The following AGAP1 variants were observed in gnomAD, a reference collection of about 807,000 sequenced individuals.
AGAP1 encodes the protein arf-GAP with GTPase, ANK repeat and PH domain-containing protein 1.
AGAP1 carries 29 observed loss-of-function variants against 105.3 expected under a neutral mutation model. The ratio of observed to expected loss-of-function variants is 0.28; its 90% confidence interval spans 0.21 to 0.38. AGAP1 has a LOEUF of 0.38. AGAP1 is among the 10% of genes least tolerant of loss of function. The pLI is 1.00. For synonymous variants in AGAP1, 509 were observed against 485.9 expected (o/e 1.05, Z -0.63); for missense variants, 998 against 1,165.1 (o/e 0.86, Z 2.09).
rs997332339 is a variant in AGAP1, at chr2:235,728,971, C to A, written c.310+11327C>A. Among the ~76,000 whole-genome samples, 5 of 151,534 alleles carry A rather than the reference C, an allele frequency of 3.3e-5. No individual in the cohort carries two copies. Among genetic ancestry groups the A allele is most frequent in the Non-Finnish European group, 7.3e-5 (5 of 68,044 alleles). ...ACCATCTGGCAGGGGACCAGGCCAG[C>A]TGCTGTGTGGGTCTTCCATGTCCCA... On this transcript the variant is annotated intron_variant, in intron 3 of 17. Transcript: ENST00000304032. This position sits in a 1 kb window ranked among gnomAD's most constrained non-coding sequence, Gnocchi z 4.3.
intron 1 of AGAP1, among the ~76,000 whole-genome samples, chr2:235,645,677 C>T (rs549552329): frequency 2.0e-5 from 3 of 152,248 alleles, no homozygotes; most frequent in African/African-American, 7.2e-5. Context: ...GTCAGATGAC[C>T]ACCCCTTCCT....
chr2:235,826,382 A>T (rs1393037938), intron 9 of AGAP1, among the ~76,000 whole-genome samples: 1 of 152,216 alleles, frequency 6.6e-6, no homozygotes. Flanking sequence ...ATGCATTTGC[A>T]GGTTCATTCT....
rs185177980 is a variant in AGAP1 at position 235,575,703 on chromosome 2, C to A, written c.163+80854C>A. ...TGCCGTAGGGAAAGGTGTGAACGCA[C>A]AGGTTTGCATGCCTAAAATTATAAC... On this transcript the variant is annotated intron_variant, in intron 1 of 17. Coordinates refer to ENST00000304032, the MANE Select transcript of AGAP1 (RefSeq NM_001037131.3). 1.9e-3 allele frequency among the ~76,000 whole-genome samples: 285 copies of A among 152,356 alleles called. 1 individual carries two copies. Among genetic ancestry groups the A allele is most frequent in the Middle Eastern group, 3.4e-3 (1 of 294 alleles).
intron 12 of AGAP1, among the ~76,000 whole-genome samples, chr2:235,952,963 G>A (rs549128446): frequency 6.6e-6 from 1 of 152,346 alleles, no homozygotes; most frequent in Admixed American, 6.5e-5. Flanking sequence ...GTTGACTGGG[G>A]CAATTGTTAG....
rs537797440 is a variant in AGAP1, at chr2:235,754,928, G to C, written c.673+4440G>C. On this transcript the variant is annotated intron_variant, in intron 6 of 17. Coordinates refer to ENST00000304032, the MANE Select transcript of AGAP1 (RefSeq NM_001037131.3). This position sits in a 1 kb window ranked among gnomAD's most constrained non-coding sequence, Gnocchi z 4.6. ...GTGTGGCAGCCCAGGCTGCTTTCTG[G>C]GGGTGGAGCGTTCTCGCTCCTGCTC... is the stretch of plus-strand genomic sequence containing the variant. Among the ~76,000 whole-genome samples the C allele has an allele frequency of 1.2e-4, 19 of 152,386 alleles. No individual in the cohort carries two copies. Among genetic ancestry groups the C allele is most frequent in the African/African-American group, 4.6e-4 (19 of 41,604 alleles).
Position 235,601,201 on chromosome 2 carries a change from G to A in AGAP1, c.163+106352G>A, listed in dbSNP as rs1289248045. 6.6e-6 allele frequency among the ~76,000 whole-genome samples: 1 copy of A among 152,226 alleles called. No homozygotes were observed. Among genetic ancestry groups the A allele is most frequent in the Non-Finnish European group, 1.5e-5 (1 of 68,048 alleles). ...GTAGAAGTTGAAAGTCCAAGGTCAA[G>A]GTGGCGTTTCTGGTGGGGCCCCTCT... On this transcript the variant is annotated intron_variant, in intron 1 of 17. Transcript: ENST00000304032. The surrounding 1 kb of genome is among the most constrained non-coding windows in gnomAD (Gnocchi z 4.4).
At position 235,549,236 on chromosome 2, in the gene AGAP1, G is replaced by A. The variant is rs149930886; in HGVS notation, c.163+54387G>A. On this transcript the variant is annotated intron_variant, in intron 1 of 17. Coordinates refer to ENST00000304032, the MANE Select transcript of AGAP1 (RefSeq NM_001037131.3). This position sits in a 1 kb window ranked among gnomAD's most constrained non-coding sequence, Gnocchi z 4.2. ...TTTCTAAGGAATACAAACTAGAAGG[G>A]CCTGGTTTCTGTAGGTGACAAAGCT... Among the ~76,000 whole-genome samples, 965 of 152,318 alleles carry A rather than the reference G, an allele frequency of 6.3e-3. 9 individuals are homozygous for A. Among genetic ancestry groups the A allele is most frequent in the African/African-American group, 0.022 (932 of 41,572 alleles).
chr2:235,584,591 AG>A (rs1559267201), intron 1 of AGAP1, among the ~76,000 whole-genome samples: 2 of 151,696 alleles, frequency 1.3e-5, no homozygotes, highest in African/African-American at 2.4e-5. Context: ...AAGCTGTGCT[AG>A]GAAGAGGCAA....
At chr2:235,899,189 G>A (rs1482283564) in intron 10 of AGAP1, among the ~76,000 whole-genome samples, 1 of 152,192 alleles carries the variant, frequency 6.6e-6, no homozygotes, top group East Asian at 1.9e-4. Context: ...TCACCTCAGA[G>A]GACAGATGTA....
At chr2:235,593,825 T>C (rs1276597459) in intron 1 of AGAP1, among the ~76,000 whole-genome samples, 1 of 151,964 alleles carries the variant, frequency 6.6e-6, no homozygotes, top group Non-Finnish European at 1.5e-5. Context: ...AAAAATTAGC[T>C]GGGCATGATG....
At chr2:236,026,833 G>A (rs1457838184) in intron 13 of AGAP1, among the ~76,000 whole-genome samples, 2 of 152,204 alleles carry the variant, frequency 1.3e-5, no homozygotes, top group Non-Finnish European at 2.9e-5. Flanking sequence ...TTGGCATGAG[G>A]AATAGGAGAA....
chr2:236,061,488 G>A lies in AGAP1; in HGVS notation c.2114+12207G>A, dbSNP rs955196276. Among the ~76,000 whole-genome samples the A allele has an allele frequency of 4.6e-5, 7 of 152,186 alleles. No homozygotes were observed. The highest frequency in any genetic ancestry group is 8.8e-5 in the Non-Finnish European group (6 of 68,032). ...TGGATGAATGGGTGAACAAAACATG[G>A]TCTGTCCGTACACCAGAACGTGATT... On this transcript the variant is annotated intron_variant, in intron 16 of 17. Coordinates refer to ENST00000304032, the MANE Select transcript of AGAP1 (RefSeq NM_001037131.3). This position sits in a 1 kb window ranked among gnomAD's most constrained non-coding sequence, Gnocchi z 4.1.
At chr2:235,767,239 TG>T (rs1955036420) in intron 6 of AGAP1, among the ~76,000 whole-genome samples, 1 of 151,254 alleles carries the variant, frequency 6.6e-6, no homozygotes, top group African/African-American at 2.4e-5. Flanking sequence ...GTATAATAAA[TG>T]GACTTATTAT....
At position 235,993,049 on chromosome 2, in the gene AGAP1, C is replaced by T. The variant is rs1446393567; in HGVS notation, c.1645+24426C>T. 4.6e-5 allele frequency among the ~76,000 whole-genome samples: 7 copies of T among 152,188 alleles called. No homozygotes were observed. Among genetic ancestry groups the T allele is most frequent in the Non-Finnish European group, 1.0e-4 (7 of 68,040 alleles). On this transcript the variant is annotated intron_variant, in intron 13 of 17. Coordinates refer to ENST00000304032, the MANE Select transcript of AGAP1 (RefSeq NM_001037131.3). This position sits in a 1 kb window ranked among gnomAD's most constrained non-coding sequence, Gnocchi z 5.0. ...ACAAAAAACCAGTTTAAGACATGGA[C>T]TTTTTTCATATGTACATCTGAAAAT...
intron 1 of AGAP1, among the ~76,000 whole-genome samples, chr2:235,554,643 C>G (rs939901846): frequency 7.2e-5 from 11 of 152,190 alleles, no homozygotes; most frequent in African/African-American, 2.7e-4. Flanking sequence ...TCTTTCTTCT[C>G]TTTCCTTTCC....
At chr2:236,071,182 C>T (rs528519795) in intron 16 of AGAP1, among the ~76,000 whole-genome samples, 3 of 152,280 alleles carry the variant, frequency 2.0e-5, no homozygotes, top group African/African-American at 7.2e-5. Flanking sequence ...GGCCTTAGCC[C>T]CGAATAATCC....
At chr2:235,779,069 C>G (rs1199148248) in intron 6 of AGAP1, among the ~76,000 whole-genome samples, 1 of 152,238 alleles carries the variant, frequency 6.6e-6, no homozygotes, top group Non-Finnish European at 1.5e-5. Context: ...AATTGCCTCA[C>G]TGAGCTGGGA....
rs2056226570 is a variant in AGAP1, at chr2:236,003,914, C to T, written c.1646-32647C>T. Among the ~76,000 whole-genome samples, 1 of 152,028 alleles carries T rather than the reference C, an allele frequency of 6.6e-6. No homozygotes were observed. Among genetic ancestry groups the T allele is most frequent in the African/African-American group, 2.4e-5 (1 of 41,370 alleles). ...AATACATACATGGTATAGATTGATGCATAAAACAGTCAGCCCCTGGACTCC... is the reference window on the plus strand; with the variant it reads ...AATACATACATGGTATAGATTGATGTATAAAACAGTCAGCCCCTGGACTCC... On this transcript the variant is annotated intron_variant, in intron 13 of 17. Coordinates refer to ENST00000304032, the MANE Select transcript of AGAP1 (RefSeq NM_001037131.3). This position sits in a 1 kb window ranked among gnomAD's most constrained non-coding sequence, Gnocchi z 4.2.
chr2:235,567,198 T>C (rs1167592004), intron 1 of AGAP1, among the ~76,000 whole-genome samples: 3 of 152,242 alleles, frequency 2.0e-5, no homozygotes, highest in Non-Finnish European at 4.4e-5. Context: ...AGGGTGTGCC[T>C]AGAGCTTGGA....
Sources: gnomAD v4.1 joint callset for allele counts (sites outside exome capture counted in the v4.1 genomes callset) on GRCh38, gnomAD v4.1.1 for gene constraint, Gnocchi (gnomAD v3.1) non-coding constraint, MANE v1.5 for transcripts, NCBI Gene and HGNC (gene_info 2026-07-23, HGNC 2026-07-21) for gene names.